The following GCFC2 variants were observed in gnomAD, a reference collection of about 807,000 sequenced individuals.
The protein encoded by GCFC2 is intron Large complex component GCFC2.
GCFC2 carries 102 observed loss-of-function variants against 99.4 expected under a neutral mutation model. The ratio of observed to expected loss-of-function variants is 1.03; its 90% CI spans 0.87 to 1.21. GCFC2 has a LOEUF of 1.21. Ranked by LOEUF, GCFC2 falls within the 50% of genes most tolerant of loss-of-function variation. GCFC2 has a pLI of 0.00. For synonymous variants in GCFC2, 338 were observed against 316.8 expected, an observed-to-expected ratio of 1.07 and a Z score of -0.71; for missense variants, 973 against 920.9, an observed-to-expected ratio of 1.06 and a Z score of -0.73.
intron 13 of GCFC2, among the ~76,000 whole-genome samples, chr2:75,672,620 T>C (rs1471671749): frequency 1.3e-5 from 2 of 152,132 alleles, no homozygotes; most frequent in Non-Finnish European, 2.9e-5. Context: ...GTTATGATCA[T>C]ACATCAAATA....
At chr2:75,712,789 G>C (rs1391673888), upstream of GCFC2, among the ~76,000 whole-genome samples, 1 of 151,906 alleles carries the variant, frequency 6.6e-6, no homozygotes, top group African/African-American at 2.4e-5. Flanking sequence ...CCCCAGACGC[G>C]CCACCTTAAG....
At chr2:75,702,720 G>T (rs1290274741) in intron 2 of GCFC2, among the ~76,000 whole-genome samples, 2 of 152,108 alleles carry the variant, frequency 1.3e-5, no homozygotes, top group Admixed American at 1.3e-4. Flanking sequence ...TTGTTGAGGG[G>T]TCGCTATTTC....
At chr2:75,678,604 C>T (rs1008968703) in intron 12 of GCFC2, among the ~76,000 whole-genome samples, 1 of 152,192 alleles carries the variant, frequency 6.6e-6, no homozygotes, top group Non-Finnish European at 1.5e-5. Context: ...AGTACTTTAT[C>T]TATGCTGCTC....
chr2:75,673,997 T>TA lies in GCFC2; in HGVS notation c.1813-478dup, dbSNP rs1334340661. On this transcript the variant is annotated intron_variant, in intron 12 of 16. Transcript: ENST00000321027. The stretch of plus-strand genomic sequence containing the variant: ...AATAAATCCTGTTTCACTACATACT[T>TA]ACGATAATTGGCATTTTCTTGTTTT... Among the ~76,000 whole-genome samples the TA allele has an allele frequency of 2.6e-5, 4 of 152,226 alleles. No individual in the cohort carries two copies. In the South Asian group the frequency reaches 6.2e-4, roughly 24 times the overall value.
At chr2:75,704,649 C>A (rs569419747) in intron 2 of GCFC2, among the ~76,000 whole-genome samples, 1 of 152,250 alleles carries the variant, frequency 6.6e-6, no homozygotes, top group Non-Finnish European at 1.5e-5. Flanking sequence ...CAACACTTTA[C>A]AACCACTGCC....
At chr2:75,683,463 A>G (rs192916783) in intron 11 of GCFC2, among the ~76,000 whole-genome samples, 17 of 152,162 alleles carry the variant, frequency 1.1e-4, no homozygotes, top group African/African-American at 3.6e-4. Context: ...ATGGAAAGGT[A>G]CAACTGGTAC....
At chr2:75,697,000 A>G (rs1285745102) in intron 4 of GCFC2, among the ~76,000 whole-genome samples, 3 of 151,978 alleles carry the variant, frequency 2.0e-5, no homozygotes, top group South Asian at 2.1e-4. Flanking sequence ...GTTAGCCAGG[A>G]TGGTCTCAAT....
In GCFC2 at chr2:75,670,297, ATCAAGT is replaced by A. The variant is rs770111813; in HGVS notation, c.1957-19_1957-14del. The A allele has an allele frequency of 3.6e-3, 5,638 of 1,559,812 alleles. 19 individuals are homozygous for A. The highest frequency in any genetic ancestry group is 4.1e-3 in the Non-Finnish European group (4,651 of 1,131,338). On this transcript the variant is annotated splice_polypyrimidine_tract_variant and intron_variant, in intron 14 of 16. Transcript: ENST00000321027. ...TATTGCGGAAGAGCTAAAATAAAAT[ATCAAGT>A]AAATATGTACCTTTTCTCCAAAGAG...
At chr2:75,693,426 C>T (rs536211714) in intron 6 of GCFC2, among the ~76,000 whole-genome samples, 4 of 151,922 alleles carry the variant, frequency 2.6e-5, no homozygotes, top group East Asian at 1.9e-4. Flanking sequence ...GGTGACAGAG[C>T]GAGACTCTGT....
intron 1 of GCFC2, among the ~76,000 whole-genome samples, chr2:75,709,537 TG>T (rs1307149697): frequency 6.6e-6 from 1 of 151,968 alleles, no homozygotes; most frequent in Non-Finnish European, 1.5e-5. Context: ...AGTCGAGTAG[TG>T]GTTAGAAGGG....
In GCFC2 at chr2:75,670,088, A is replaced by G. The variant is rs1679023241; in HGVS notation, c.2103+50T>C. 3 of 1,315,070 alleles carry G rather than the reference A, an allele frequency of 2.3e-6. No individual in the cohort carries two copies. The African/African-American group carries it at 4.4e-5, about 19-fold the overall frequency. The allele number at this position is 1,315,070 out of a possible 1,614,324, so 81.5% of individuals were successfully genotyped here. On this transcript the variant is annotated intron_variant, in intron 15 of 16. Coordinates refer to ENST00000321027, the MANE Select transcript of GCFC2 (RefSeq NM_003203.5). Reference sequence around the variant, plus strand: ...TGCTAAATAATAGATTTTAATAGCTAAATTTTTTAGAAATGATAAAATTAG... The same window carrying G: ...TGCTAAATAATAGATTTTAATAGCTGAATTTTTTAGAAATGATAAAATTAG...
intron 10 of GCFC2, among the ~76,000 whole-genome samples, chr2:75,688,607 T>C (rs1283431478): frequency 6.6e-6 from 1 of 152,138 alleles, no homozygotes; most frequent in Non-Finnish European, 1.5e-5. Flanking sequence ...TTCTGATTCA[T>C]CCTGTTTACC....
At chr2:75,669,377 T>C (rs941466289) in intron 15 of GCFC2, among the ~76,000 whole-genome samples, 2 of 152,148 alleles carry the variant, frequency 1.3e-5, no homozygotes, top group Non-Finnish European at 1.5e-5. Context: ...AATAATCAAT[T>C]AATCCCAATA....
At chr2:75,692,170 TAAAAGTA>T in intron 6 of GCFC2, 70 bp from the exon 7 acceptor site, 1 of 450,280 alleles carries the variant, frequency 2.2e-6, no homozygotes, top group Non-Finnish European at 3.5e-6. Flanking sequence ...TATATATATA[TAAAAGTA>T]ATATTTAGAA....
chr2:75,672,478 T>A (rs920616701), intron 13 of GCFC2, among the ~76,000 whole-genome samples: 1 of 151,916 alleles, frequency 6.6e-6, no homozygotes. Context: ...CATGTAGACA[T>A]CTCATGATTC....
At position 75,710,790 on chromosome 2, in the gene GCFC2, G is replaced by C. The variant is rs776634695; in HGVS notation, c.66C>G (p.Ala22=). 5.7e-6 allele frequency: 9 copies of C among 1,576,874 alleles called. No homozygotes were observed. Among genetic ancestry groups the C allele is most frequent in the Non-Finnish European group, 6.9e-6 (8 of 1,167,312 alleles). The change falls in exon 1 of 17, where the codon GCC becomes GCG. Residue 22 remains alanine (A), a synonymous_variant. Transcript: ENST00000321027. ...RAADSSDSDG[A]EESPAEPGAP... The stretch of plus-strand genomic sequence containing the variant: ...CCCCAGGCTCAGCAGGCGACTCCTC[G>C]GCGCCATCGCTGTCGCTGGAATCAG...
rs945679648 is a variant in GCFC2 at position 75,690,166 on chromosome 2, C to T, written c.1227-85G>A. On this transcript the variant is annotated intron_variant, in intron 8 of 16. Transcript: ENST00000321027. ...TGCCTAAATTTTTTTTAACCTCTTG[C>T]TGAAAATAAGTAATTTTATCATTTA... 20 of 727,100 alleles carry T rather than the reference C, an allele frequency of 2.8e-5. No homozygotes were observed. The South Asian group carries it at 3.1e-4, about 11-fold the overall frequency. 45.0% of individuals were successfully genotyped at this position (727,100 alleles called of 1,614,324 possible). A position where few individuals can be genotyped will look rare whatever the true frequency, so the allele number is the denominator to read the frequency against.
intron 15 of GCFC2, among the ~76,000 whole-genome samples, chr2:75,667,846 GAAC>G (rs1345717431): frequency 6.6e-6 from 1 of 152,012 alleles, no homozygotes; most frequent in African/African-American, 2.4e-5. Flanking sequence ...AACTAAACCT[GAAC>G]AACATTACAT....
chr2:75,690,205 G>C (rs1680002233), intron 8 of GCFC2, 124 bp from the exon 9 acceptor site: 1 of 644,470 alleles, frequency 1.6e-6, no homozygotes, highest in African/African-American at 1.8e-5. Flanking sequence ...TAAATGGCCA[G>C]AAATATACTA....
Sources: allele counts gnomAD v4.1 joint callset (sites outside exome capture counted in the v4.1 genomes callset), GRCh38; gene constraint gnomAD v4.1.1; transcripts MANE v1.5; gene names NCBI Gene and HGNC (gene_info 2026-07-23, HGNC 2026-07-21).